The following AREL1 variants were observed in gnomAD, a reference collection of about 807,000 sequenced individuals.
AREL1 encodes apoptosis-resistant E3 ubiquitin protein ligase 1.
A neutral mutation model predicts 99.0 loss-of-function variants in AREL1; 62 were observed. The ratio of observed to expected loss-of-function variants is 0.63; its 90% CI spans 0.51 to 0.77. The LOEUF is 0.77. Among genes scored for constraint, AREL1 ranks in the 30% least tolerant of loss-of-function variants. The probability of loss-of-function intolerance (pLI) is 0.00; values close to 1 mark genes in which losing one functional copy is unlikely to be tolerated. For synonymous variants in AREL1, 380 were observed against 376.5 expected (o/e 1.01, Z -0.11); for missense variants, 879 against 1,027.6 (o/e 0.86, Z 1.98).
At chr14:74,672,801 A>C in intron 11 of AREL1, 30 bp downstream of exon 11, 1 of 1,612,990 alleles carries the variant, frequency 6.2e-7, no homozygotes, top group Non-Finnish European at 8.5e-7. Flanking sequence ...AAACTTTGGT[A>C]TCTGCTGACA....
At chr14:74,699,731 T>G (rs1352514419) in intron 1 of AREL1, among the ~76,000 whole-genome samples, 1 of 152,214 alleles carries the variant, frequency 6.6e-6, no homozygotes, top group Non-Finnish European at 1.5e-5. Context: ...TATACATCAT[T>G]TTGTTTGAAG....
At position 74,705,069 on chromosome 14, in the gene AREL1, C is replaced by T. The variant is rs1353526379; in HGVS notation, c.-334+7864G>A. ...TTTTTTTTTTTTTGAGACGGAGTTT[C>T]GCTCTTGTTGCCCAGGCTGGAGTGC... On this transcript the variant is annotated intron_variant, in intron 1 of 19. Transcript: ENST00000356357. Among the ~76,000 whole-genome samples, 322 of 147,688 alleles carry T rather than the reference C, an allele frequency of 2.2e-3. 2 individuals carry two copies. The highest frequency in any genetic ancestry group is 7.4e-3 in the African/African-American group (297 of 40,250).
intron 1 of AREL1, chr14:74,712,052 A>G (rs1594776489): frequency 1.1e-4 from 6 of 54,838 alleles, no homozygotes; most frequent in African/African-American, 2.7e-4. Context: ...AAAAAAAAAA[A>G]AAAAAAAAAA....
chr14:74,668,449 T>C (rs986984636), intron 15 of AREL1, among the ~76,000 whole-genome samples: 1 of 152,072 alleles, frequency 6.6e-6, no homozygotes, highest in African/African-American at 2.4e-5. Flanking sequence ...ATTTTTTCTG[T>C]TGGTATGCAC....
chr14:74,705,856 T>C (rs2090168551), intron 1 of AREL1, among the ~76,000 whole-genome samples: 1 of 152,236 alleles, frequency 6.6e-6, no homozygotes, highest in African/African-American at 2.4e-5. Flanking sequence ...CAGCTGTCCC[T>C]GGAGTTGTTT....
At chr14:74,671,567 T>C in intron 11 of AREL1, 84 bp from the exon 12 acceptor site, 1 of 886,390 alleles carries the variant, frequency 1.1e-6, no homozygotes, top group Non-Finnish European at 1.7e-6. Flanking sequence ...AGCACTGCCA[T>C]TGTCTGCTGG....
At chr14:74,669,816 T>C (rs1192086062) in intron 14 of AREL1, 42 bp from the exon 15 acceptor site, 3 of 1,610,646 alleles carry the variant, frequency 1.9e-6, no homozygotes, top group Non-Finnish European at 2.5e-6. Context: ...TGAATACTCT[T>C]GCCCTGAAAG....
chr14:74,689,037 A>G (rs952781598), intron 2 of AREL1, among the ~76,000 whole-genome samples: 9 of 150,546 alleles, frequency 6.0e-5, no homozygotes, highest in African/African-American at 2.0e-4. Flanking sequence ...TAGTAGAGAC[A>G]GGGTTTCACC....
intron 11 of AREL1, chr14:74,671,964 C>T: frequency 2.2e-6 from 1 of 453,922 alleles, no homozygotes; most frequent in Non-Finnish European, 4.4e-6. Context: ...TCCAGTCACA[C>T]CTACCAGAGC....
At chr14:74,703,887 C>T (rs147381282) in intron 1 of AREL1, among the ~76,000 whole-genome samples, 13 of 152,296 alleles carry the variant, frequency 8.5e-5, no homozygotes, top group African/African-American at 3.1e-4. Flanking sequence ...TGGTAAGTAT[C>T]TACTTAACTT....
rs1486851677 is a variant in AREL1, at chr14:74,672,819, A to C, written c.1422+12T>G. 6.2e-7 allele frequency: 1 copy of C among 1,613,948 alleles called. No individual in the cohort carries two copies. The highest frequency in any genetic ancestry group is 8.5e-7 in the Non-Finnish European group (1 of 1,179,994). On this transcript the variant is annotated intron_variant, in intron 11 of 19. Transcript: ENST00000356357. ...CTTTGGTATCTGCTGACAGAGATGAAATTTTACCTACCGATTCCAACAAGG... is the reference window on the plus strand; with the variant it reads ...CTTTGGTATCTGCTGACAGAGATGACATTTTACCTACCGATTCCAACAAGG...
chr14:74,689,602 T>C (rs1013207984), intron 2 of AREL1, among the ~76,000 whole-genome samples: 1 of 145,536 alleles, frequency 6.9e-6, no homozygotes. Flanking sequence ...CTTTTTTTTT[T>C]TTTTTTTTTT....
At position 74,661,592 on chromosome 14, in the gene AREL1, G is replaced by A. The variant is rs562577664; in HGVS notation, c.*2128C>T. On this transcript the variant is annotated 3_prime_UTR_variant, in exon 20 of 20. Coordinates refer to ENST00000356357, the MANE Select transcript of AREL1 (RefSeq NM_001039479.2). ...ACCTTTTCCCCACACTGGCTAGTATGAAAGCAGGATTAGAAAAAAAAAAAA... is the reference window on the plus strand; with the variant it reads ...ACCTTTTCCCCACACTGGCTAGTATAAAAGCAGGATTAGAAAAAAAAAAAA... 4.4e-5 allele frequency: 8 copies of A among 180,058 alleles called. No homozygotes were observed. The highest frequency in any genetic ancestry group is 3.5e-4 in the South Asian group (4 of 11,358). The allele number at this position is 180,058 out of a possible 1,614,324, so 11.2% of individuals were successfully genotyped here.
In AREL1 at chr14:74,695,435, C is replaced by A. The variant is rs535130231; in HGVS notation, c.-333-3107G>T. Among the ~76,000 whole-genome samples, 7 of 152,182 alleles carry A rather than the reference C, an allele frequency of 4.6e-5. No homozygotes were observed. In the East Asian group the frequency reaches 1.4e-3, roughly 29 times the overall value. On this transcript the variant is annotated intron_variant, in intron 1 of 19. Transcript: ENST00000356357. ...AGCAGGTTTCCAACCCTGTGATCAG[C>A]TATTTGATTATTAAATCAAATAACT...
intron 1 of AREL1, among the ~76,000 whole-genome samples, chr14:74,701,982 A>G (rs2359143): frequency 0.32 from 48,359 of 152,122 alleles, 9,110 homozygotes; most frequent in African/African-American, 0.53. Context: ...TCACGCTGAC[A>G]CAAGAGGTGG....
intron 13 of AREL1, 136 bp downstream of exon 13, chr14:74,670,626 C>A: frequency 1.4e-6 from 1 of 689,776 alleles, no homozygotes; most frequent in Admixed American, 3.0e-5. Flanking sequence ...ATCTGATTAG[C>A]TTATATTTTA....
chr14:74,700,139 T>C (rs1398836626), intron 1 of AREL1, among the ~76,000 whole-genome samples: 4 of 152,264 alleles, frequency 2.6e-5, no homozygotes, highest in Non-Finnish European at 5.9e-5. Flanking sequence ...CAGTGTTCTC[T>C]GAAGGATGAT....
At chr14:74,712,725 G>A in intron 1 of AREL1, 1 of 300,242 alleles carries the variant, frequency 3.3e-6, no homozygotes, top group Non-Finnish European at 6.6e-6. Flanking sequence ...CACCATATCG[G>A]CTAGGAAAAC....
intron 1 of AREL1, among the ~76,000 whole-genome samples, chr14:74,695,751 G>A (rs1157515970): frequency 1.3e-5 from 2 of 152,172 alleles, no homozygotes; most frequent in Non-Finnish European, 2.9e-5. Context: ...AAGGAACACT[G>A]ACCAGGTCAT....
Sources: gnomAD v4.1 joint callset for allele counts (sites outside exome capture counted in the v4.1 genomes callset) on GRCh38, gnomAD v4.1.1 for gene constraint, MANE v1.5 for transcripts, NCBI Gene and HGNC (gene_info 2026-07-23, HGNC 2026-07-21) for gene names.